MEGF10: variants seen among roughly 807,000 people sequenced by gnomAD.
MEGF10 encodes the protein multiple epidermal growth factor-like domains protein 10.
In MEGF10, 86 loss-of-function variants were observed where a neutral mutation model predicts 147.5. That is an observed-to-expected ratio of 0.58 (90% CI 0.49 to 0.70). The LOEUF is 0.70. MEGF10 is among the 30% of genes least tolerant of loss of function. The probability of loss-of-function intolerance (pLI) is 0.00; values close to 1 mark genes in which losing one functional copy is unlikely to be tolerated. For synonymous variants in MEGF10, 478 were observed against 525.5 expected (o/e 0.91, Z 1.24); for missense variants, 1,329 against 1,487.3 (o/e 0.89, Z 1.75).
At position 127,369,950 on chromosome 5, in the gene MEGF10, T is replaced by C. The variant is rs767106346; in HGVS notation, c.360T>C (p.Ala120=). 2 of 1,613,294 alleles carry C rather than the reference T, an allele frequency of 1.2e-6. No homozygotes were observed. Among genetic ancestry groups the C allele is most frequent in the Non-Finnish European group, 1.7e-6 (2 of 1,179,500 alleles). The change falls in exon 5 of 25, where the codon GCT becomes GCC. Residue 120 remains alanine, a synonymous_variant. Transcript: ENST00000503335. The part of the protein sequence containing the change: ...ADKCVHGRCI[A]PNTCQCEPGW... ...AATGTGTCCATGGTCGCTGTATTGC[T>C]CCAAACACCTGTCAGTGTGAGCCTG...
chr5:127,402,689 G>T lies in MEGF10; in HGVS notation c.917+7G>T, dbSNP rs758554167. On this transcript the variant is annotated splice_region_variant and intron_variant, in intron 8 of 24. Transcript: ENST00000503335. ...CAGGATACACAGGGGAACGGTAAGG[G>T]ATGCCCTTGTATTTCTCTGACTGTT... 1 of 1,613,486 alleles carries T rather than the reference G, an allele frequency of 6.2e-7. No homozygotes were observed. Among genetic ancestry groups the T allele is most frequent in the Non-Finnish European group, 8.5e-7 (1 of 1,179,784 alleles).
At chr5:127,259,851 A>G in the MEGF10 span, among the ~76,000 whole-genome samples, 1 of 152,138 alleles carries the variant, frequency 6.6e-6, no homozygotes, top group Non-Finnish European at 1.5e-5. Flanking sequence ...AAACTAGCTT[A>G]TACTGTATAA....
At chr5:127,273,148 C>T in the MEGF10 span, among the ~76,000 whole-genome samples, 3 of 152,230 alleles carry the variant, frequency 2.0e-5, no homozygotes, top group Non-Finnish European at 4.4e-5. Context: ...CAAGACTCCA[C>T]ACAGCAGTGT....
intron 5 of MEGF10, among the ~76,000 whole-genome samples, chr5:127,391,102 GCACA>G (rs70997334): frequency 0.02 from 1,056 of 53,808 alleles, 8 homozygotes; most frequent in African/African-American, 0.032. Context: ...GCGCGCGCGC[GCACA>G]CACACACACA....
intron 4 of MEGF10, among the ~76,000 whole-genome samples, chr5:127,358,944 C>G (rs1002001809): frequency 6.6e-6 from 1 of 152,080 alleles, no homozygotes; most frequent in Admixed American, 6.6e-5. Flanking sequence ...TGGAATTAAG[C>G]TAAAAACTCT....
chr5:127,265,133 G>A, the MEGF10 span, among the ~76,000 whole-genome samples: 41 of 152,120 alleles, frequency 2.7e-4, no homozygotes, highest in South Asian at 8.3e-3. Context: ...TGTTCTCATT[G>A]TTCAGTTCCC....
the MEGF10 span, among the ~76,000 whole-genome samples, chr5:127,265,095 G>C: frequency 1.2e-4 from 19 of 152,126 alleles, no homozygotes; most frequent in Non-Finnish European, 2.5e-4. Context: ...AGGCCCCAGT[G>C]TGTGATGTTC....
intron 1 of MEGF10, among the ~76,000 whole-genome samples, chr5:127,314,629 G>A (rs1289867930): frequency 6.6e-6 from 1 of 152,130 alleles, no homozygotes; most frequent in Non-Finnish European, 1.5e-5. Context: ...CTTATGTAAT[G>A]GTTTGAATTT....
the MEGF10 span, among the ~76,000 whole-genome samples, chr5:127,259,444 G>A: frequency 1.3e-5 from 2 of 152,160 alleles, no homozygotes; most frequent in African/African-American, 4.8e-5. Flanking sequence ...GTCAAAGGGG[G>A]GAGAGTGTGG....
chr5:127,442,973 G>A, intron 18 of MEGF10, 25 bp from the exon 19 acceptor site: 1 of 1,601,012 alleles, frequency 6.2e-7, no homozygotes, highest in Non-Finnish European at 8.5e-7. Context: ...AGGTTGGAAA[G>A]CTACATTTGA....
chr5:127,298,013 C>T (rs1047918044), intron 1 of MEGF10, among the ~76,000 whole-genome samples: 2 of 152,156 alleles, frequency 1.3e-5, no homozygotes, highest in Non-Finnish European at 2.9e-5. Flanking sequence ...AGCCACTCAC[C>T]CAGCCACGAA....
At position 127,355,534 on chromosome 5, in the gene MEGF10, G is replaced by A. The variant is rs532328205; in HGVS notation, c.320-14376G>A. On this transcript the variant is annotated intron_variant, in intron 4 of 24. Coordinates refer to ENST00000503335, the MANE Select transcript of MEGF10 (RefSeq NM_001256545.2). ...GTACTCTGTTGCTATGGTGTCCGAC[G>A]TGGTTCAGAGGAACCTACCAGTAAA... 5.3e-5 allele frequency among the ~76,000 whole-genome samples: 8 copies of A among 152,172 alleles called. No homozygotes were observed. The East Asian group carries it at 7.7e-4, about 15-fold the overall frequency.
the MEGF10 span, among the ~76,000 whole-genome samples, chr5:127,267,668 G>A: frequency 4.9e-4 from 75 of 152,214 alleles, no homozygotes; most frequent in African/African-American, 1.8e-3. Flanking sequence ...TATGTGTCCA[G>A]GAATTTATCC....
chr5:127,426,829 C>G (rs1226206325), intron 13 of MEGF10, among the ~76,000 whole-genome samples: 2 of 152,184 alleles, frequency 1.3e-5, no homozygotes, highest in Non-Finnish European at 2.9e-5. Flanking sequence ...TACAGCTAAT[C>G]AAGATTTCAT....
chr5:127,279,670 G>A, the MEGF10 span, among the ~76,000 whole-genome samples: 8 of 151,996 alleles, frequency 5.3e-5, no homozygotes, highest in African/African-American at 1.9e-4. Context: ...AATAAAACTT[G>A]AAAGACAATA....
intron 1 of MEGF10, 111 bp from the exon 2 acceptor site, chr5:127,331,180 A>G (rs966769340): frequency 8.1e-6 from 5 of 617,360 alleles, no homozygotes; most frequent in African/African-American, 7.4e-5. Flanking sequence ...ATGGCTTGTT[A>G]TGCACATTTC....
chr5:127,275,394 C>A, the MEGF10 span, among the ~76,000 whole-genome samples: 1 of 152,164 alleles, frequency 6.6e-6, no homozygotes, highest in African/African-American at 2.4e-5. Flanking sequence ...GAGTCTCTAT[C>A]TATCAGAGTC....
chr5:127,424,468 C>T (rs1765142033), intron 13 of MEGF10: 2 of 1,310,458 alleles, frequency 1.5e-6, no homozygotes, highest in Non-Finnish European at 2.1e-6. Context: ...GGAATACTGT[C>T]CACTTAACAA....
intron 16 of MEGF10, 139 bp from the exon 17 acceptor site, chr5:127,438,300 C>A: frequency 1.1e-6 from 1 of 887,330 alleles, no homozygotes; most frequent in Non-Finnish European, 1.7e-6. Context: ...GTGCAGAATT[C>A]AGAGCAGTGT....
Sources: gnomAD v4.1 joint callset for allele counts (sites outside exome capture counted in the v4.1 genomes callset) on GRCh38, gnomAD v4.1.1 for gene constraint, MANE v1.5 for transcripts, NCBI Gene and HGNC (gene_info 2026-07-23, HGNC 2026-07-21) for gene names.